Variants in MECR observed in about 807,000 individuals in gnomAD.
The protein encoded by MECR is mitochondrial trans-2-enoyl-CoA reductase, also known as enoyl-[acyl-carrier-protein] reductase, mitochondrial.
Under a neutral mutation model 49.1 loss-of-function variants are expected in MECR, and 37 were observed. The observed-to-expected ratio is 0.75, with a 90% CI of 0.58 to 0.99. The LOEUF (loss-of-function observed/expected upper bound fraction) is 0.99. Among genes scored for constraint, MECR ranks in the 50% least tolerant of loss-of-function variants. The pLI is 0.00. For missense variants in MECR, 470 were observed against 479.6 expected, an observed-to-expected ratio of 0.98 and a Z score of 0.19; for synonymous variants, 198 against 191.1, an observed-to-expected ratio of 1.04 and a Z score of -0.30.
At chr1:29,168,736 C>T in the MECR span, 1 of 152,148 alleles carries the variant, frequency 6.6e-6, no homozygotes, top group Non-Finnish European at 1.5e-5. Context: ...TAAGGCTCAG[C>T]AAAAATTAGA....
intron 7 of MECR, among the ~76,000 whole-genome samples, chr1:29,200,089 C>T (rs1674958159): frequency 6.6e-6 from 1 of 152,084 alleles, no homozygotes; most frequent in African/African-American, 2.4e-5. Context: ...TTAAGTTTTC[C>T]TTTGCACTTT....
chr1:29,228,280 C>CA (rs983261453), intron 1 of MECR, among the ~76,000 whole-genome samples: 24 of 149,540 alleles, frequency 1.6e-4, no homozygotes, highest in African/African-American at 5.9e-4. Context: ...TGGGCAAATA[C>CA]AAAAAATAAA....
chr1:29,212,457 A>G (rs1678254687), intron 3 of MECR, among the ~76,000 whole-genome samples: 1 of 152,194 alleles, frequency 6.6e-6, no homozygotes. Flanking sequence ...CCTTTTCTCC[A>G]GGGAAGAATC....
chr1:29,177,739 G>A, the MECR span, among the ~76,000 whole-genome samples: 1 of 152,016 alleles, frequency 6.6e-6, no homozygotes, highest in African/African-American at 2.4e-5. Flanking sequence ...CTACATTAGC[G>A]ATGCCTGGTG....
chr1:29,213,211 A>G (rs897602151), intron 3 of MECR, among the ~76,000 whole-genome samples: 1 of 152,252 alleles, frequency 6.6e-6, no homozygotes, highest in African/African-American at 2.4e-5. Context: ...TCACCTTGAT[A>G]GGACCTTCAC....
At chr1:29,229,853 G>A (rs1199283419) in intron 1 of MECR, among the ~76,000 whole-genome samples, 1 of 152,204 alleles carries the variant, frequency 6.6e-6, no homozygotes. Context: ...GGCTATTTAT[G>A]TGCAGATTTA....
intron 3 of MECR, among the ~76,000 whole-genome samples, chr1:29,209,812 G>T (rs2503018): frequency 1.3e-5 from 2 of 151,820 alleles, no homozygotes; most frequent in African/African-American, 4.8e-5. Context: ...GGCAGCTCGG[G>T]GCCCTTGGCC....
chr1:29,222,888 A>G (rs1681118254), intron 1 of MECR, among the ~76,000 whole-genome samples: 1 of 152,238 alleles, frequency 6.6e-6, no homozygotes, highest in Admixed American at 6.5e-5. Context: ...CATCAATACC[A>G]CAGACACTGC....
At chr1:29,206,654 C>A in intron 4 of MECR, 108 bp downstream of exon 4, 1 of 1,284,356 alleles carries the variant, frequency 7.8e-7, no homozygotes, top group Non-Finnish European at 1.1e-6. Flanking sequence ...AGGTCCATCA[C>A]CCCCTCAAAA....
intron 9 of MECR, among the ~76,000 whole-genome samples, chr1:29,195,002 G>C (rs894098431): frequency 1.5e-4 from 23 of 152,100 alleles, no homozygotes; most frequent in Non-Finnish European, 2.9e-4. Flanking sequence ...TGTGGTCCTA[G>C]CTACTTGGGA....
chr1:29,209,440 T>C (rs893047770), intron 3 of MECR, among the ~76,000 whole-genome samples: 18 of 152,118 alleles, frequency 1.2e-4, no homozygotes, highest in African/African-American at 4.1e-4. Flanking sequence ...GATGATCCGA[T>C]GTATGCTTTA....
intron 3 of MECR, among the ~76,000 whole-genome samples, chr1:29,207,191 G>A (rs1676822971): frequency 6.6e-6 from 1 of 151,980 alleles, no homozygotes. Context: ...GCGCGATCTT[G>A]GCTCACTGCA....
intron 4 of MECR, among the ~76,000 whole-genome samples, chr1:29,204,270 A>G (rs999961950): frequency 4.6e-5 from 7 of 152,058 alleles, no homozygotes; most frequent in Non-Finnish European, 1.0e-4. Context: ...TGTCCGGGAA[A>G]GTGCTTTGTT....
chr1:29,230,006 G>A (rs1683045531), intron 1 of MECR, among the ~76,000 whole-genome samples: 1 of 152,202 alleles, frequency 6.6e-6, no homozygotes, highest in Non-Finnish European at 1.5e-5. Context: ...CAGCTACTAA[G>A]ACGTTGAGCC....
rs187867438 is a variant in MECR at position 29,215,114 on chromosome 1, C to T, written c.406+891G>A. On this transcript the variant is annotated intron_variant, in intron 3 of 9. Transcript: ENST00000263702. ...CTGTAGCCTAGAACTCCTGGGCTCA[C>T]GTGATTGAACCTGCCTTTCTGGCCT... 1.2e-4 allele frequency among the ~76,000 whole-genome samples: 18 copies of T among 152,292 alleles called. 1 individual carries two copies. In the Middle Eastern group the frequency reaches 0.017, roughly 144 times the overall value.
chr1:29,214,312 T>C (rs1255895798), intron 3 of MECR, among the ~76,000 whole-genome samples: 1 of 150,560 alleles, frequency 6.6e-6, no homozygotes, highest in African/African-American at 2.5e-5. Flanking sequence ...CTGCCTGCCA[T>C]GGCCTCCCGA....
downstream of MECR, among the ~76,000 whole-genome samples, chr1:29,190,373 C>A (rs1278862968): frequency 4.7e-5 from 7 of 149,532 alleles, no homozygotes; most frequent in Admixed American, 2.0e-4. Flanking sequence ...CAAAACAAAA[C>A]AAAAAAAAAC....
the MECR span, chr1:29,169,777 A>C: frequency 1.3e-5 from 2 of 152,210 alleles, no homozygotes; most frequent in African/African-American, 4.8e-5. Context: ...CTCTAACAGA[A>C]TATATATTCA....
chr1:29,177,174 A>C, the MECR span, among the ~76,000 whole-genome samples: 1 of 151,840 alleles, frequency 6.6e-6, no homozygotes, highest in Non-Finnish European at 1.5e-5. Flanking sequence ...CAAAGCCAAC[A>C]AAAGTTACCA....
Sources: gnomAD v4.1 joint callset for allele counts (sites outside exome capture counted in the v4.1 genomes callset) on GRCh38, gnomAD v4.1.1 for gene constraint, MANE v1.5 for transcripts, NCBI Gene and HGNC (gene_info 2026-07-23, HGNC 2026-07-21) for gene names.